Variants in CACNA2D3 observed in about 807,000 individuals in gnomAD.
CACNA2D3 encodes calcium voltage-gated channel auxiliary subunit alpha2delta 3.
CACNA2D3 carries 60 observed loss-of-function variants against 160.6 expected under a neutral mutation model. That is an observed-to-expected ratio of 0.37 (90% CI 0.30 to 0.46). The LOEUF (loss-of-function observed/expected upper bound fraction) is 0.46, where lower values mean the gene tolerates loss of function less well. Among genes scored for constraint, CACNA2D3 ranks in the 20% least tolerant of loss-of-function variants. CACNA2D3 has a pLI of 1.00. For synonymous variants in CACNA2D3, 558 were observed against 492.9 expected (o/e 1.13, Z -1.75); for missense variants, 1,205 against 1,365.0 (o/e 0.88, Z 1.85).
intron 2 of CACNA2D3, among the ~76,000 whole-genome samples, chr3:54,277,432 G>A (rs1366854186): frequency 6.6e-6 from 1 of 152,144 alleles, no homozygotes; most frequent in Non-Finnish European, 1.5e-5. Context: ...ACGATTAGAT[G>A]GTTGTAGATG....
intron 2 of CACNA2D3, among the ~76,000 whole-genome samples, chr3:54,220,262 C>T (rs190480090): frequency 3.3e-5 from 5 of 152,190 alleles, no homozygotes; most frequent in Admixed American, 1.3e-4. Context: ...GCATTTGAGA[C>T]ATAATTGCTC....
chr3:54,709,401 G>T (rs1241699240), intron 11 of CACNA2D3, among the ~76,000 whole-genome samples: 1 of 150,234 alleles, frequency 6.7e-6, no homozygotes, highest in Non-Finnish European at 1.5e-5. Context: ...TCCCTCTGTT[G>T]CCCAGGCTGG....
At chr3:54,273,664 C>T (rs934348732) in intron 2 of CACNA2D3, among the ~76,000 whole-genome samples, 2 of 152,178 alleles carry the variant, frequency 1.3e-5, no homozygotes, top group African/African-American at 4.8e-5. Flanking sequence ...GGTGGCCAAA[C>T]ACAAGGTCCA....
chr3:54,529,170 C>T (rs1438570747), intron 5 of CACNA2D3, among the ~76,000 whole-genome samples: 5 of 152,224 alleles, frequency 3.3e-5, no homozygotes. Context: ...TGCCAAGCTA[C>T]CTCTAGTGTT....
intron 27 of CACNA2D3, among the ~76,000 whole-genome samples, chr3:54,962,605 G>A (rs1249188184): frequency 1.3e-5 from 2 of 152,210 alleles, no homozygotes; most frequent in Non-Finnish European, 2.9e-5. Flanking sequence ...TATTGGTGGA[G>A]ACAGAGAGGT....
chr3:55,058,433 C>G (rs1002863910), intron 35 of CACNA2D3, among the ~76,000 whole-genome samples: 2 of 151,984 alleles, frequency 1.3e-5, no homozygotes, highest in Non-Finnish European at 2.9e-5. Context: ...GGAGAACCCA[C>G]CCCAAGGATA....
chr3:54,924,952 G>C, intron 27 of CACNA2D3: 1 of 1,611,322 alleles, frequency 6.2e-7, no homozygotes, highest in Non-Finnish European at 8.5e-7. Flanking sequence ...AAAGCTCCAG[G>C]GGCCAGATTT....
chr3:54,228,719 G>A (rs9880354), intron 2 of CACNA2D3, among the ~76,000 whole-genome samples: 93,655 of 152,122 alleles, frequency 0.62, 29,732 homozygotes, highest in East Asian at 1. Context: ...GGTGTACACT[G>A]TGGAAACTGG....
chr3:54,355,099 A>G (rs552994446), intron 3 of CACNA2D3, among the ~76,000 whole-genome samples: 1 of 152,340 alleles, frequency 6.6e-6, no homozygotes, highest in African/African-American at 2.4e-5. Context: ...AATGGAAATG[A>G]TATGAGAGAG....
intron 11 of CACNA2D3, among the ~76,000 whole-genome samples, chr3:54,736,042 T>TAC (rs1320041652): frequency 1.3e-4 from 6 of 47,842 alleles, no homozygotes; most frequent in Non-Finnish European, 2.4e-4. Context: ...TATGTATATA[T>TAC]ATACACATAC....
At chr3:54,922,814 C>T (rs1224179307) in intron 27 of CACNA2D3, among the ~76,000 whole-genome samples, 1 of 152,108 alleles carries the variant, frequency 6.6e-6, no homozygotes, top group Non-Finnish European at 1.5e-5. Flanking sequence ...CCAACACACT[C>T]ACTCACTCCC....
intron 3 of CACNA2D3, among the ~76,000 whole-genome samples, chr3:54,343,473 G>A (rs1464455348): frequency 6.6e-6 from 1 of 151,998 alleles, no homozygotes; most frequent in Non-Finnish European, 1.5e-5. Context: ...TTGTAGAGAT[G>A]GGATTTCACC....
intron 5 of CACNA2D3, among the ~76,000 whole-genome samples, chr3:54,544,688 A>G (rs775647539): frequency 1.3e-5 from 2 of 152,132 alleles, no homozygotes; most frequent in Non-Finnish European, 2.9e-5. Context: ...ATGAGCCACC[A>G]TGCCTGACCT....
chr3:54,631,203 AACAC>A (rs67944483), intron 10 of CACNA2D3, among the ~76,000 whole-genome samples: 2,194 of 145,858 alleles, frequency 0.015, 47 homozygotes, highest in South Asian at 0.13. Flanking sequence ...GACTCCATCA[AACAC>A]ACACACACAC....
At chr3:54,728,012 T>C (rs918036998) in intron 11 of CACNA2D3, among the ~76,000 whole-genome samples, 1 of 152,232 alleles carries the variant, frequency 6.6e-6, no homozygotes, top group Non-Finnish European at 1.5e-5. Flanking sequence ...TTAGCTGACT[T>C]TAAGATTTTT....
intron 9 of CACNA2D3, among the ~76,000 whole-genome samples, chr3:54,624,064 CAG>C (rs1485775418): frequency 3.3e-5 from 5 of 152,094 alleles, no homozygotes; most frequent in Admixed American, 1.3e-4. Context: ...GAAACAAACA[CAG>C]AGAGTCCTTT....
intron 4 of CACNA2D3, among the ~76,000 whole-genome samples, chr3:54,416,332 T>C (rs1262989099): frequency 6.6e-6 from 1 of 152,186 alleles, no homozygotes; most frequent in African/African-American, 2.4e-5. Flanking sequence ...TCCTGTCTCA[T>C]TCCCTTCCAT....
At chr3:54,660,200 G>A (rs1016827041) in intron 11 of CACNA2D3, among the ~76,000 whole-genome samples, 5 of 145,690 alleles carry the variant, frequency 3.4e-5, no homozygotes, top group East Asian at 4.0e-4. Context: ...TTGCTCTGTC[G>A]CCCAGGCTGG....
intron 4 of CACNA2D3, among the ~76,000 whole-genome samples, chr3:54,390,174 C>T (rs1316805215): frequency 1.3e-5 from 2 of 152,136 alleles, no homozygotes; most frequent in Non-Finnish European, 2.9e-5. Flanking sequence ...ACTTATCCTT[C>T]AGCAGATGAA....
Sources: gnomAD v4.1 joint callset for allele counts (sites outside exome capture counted in the v4.1 genomes callset) on GRCh38, gnomAD v4.1.1 for gene constraint, MANE v1.5 for transcripts, NCBI Gene and HGNC (gene_info 2026-07-23, HGNC 2026-07-21) for gene names.